DCDC1: variants seen among roughly 807,000 people sequenced by gnomAD.
The protein encoded by DCDC1 is doublecortin domain containing 1.
A neutral mutation model predicts 178.3 loss-of-function variants in DCDC1; 200 were observed. The ratio of observed to expected loss-of-function variants is 1.12; its 90% CI spans 1.00 to 1.26. DCDC1 has a LOEUF of 1.26. Ranked by LOEUF, DCDC1 falls within the 50% of genes most tolerant of loss-of-function variation. The probability of loss-of-function intolerance (pLI) is 0.00; values close to 1 mark genes in which losing one functional copy is unlikely to be tolerated. For missense variants in DCDC1, 1,983 were observed against 1,749.2 expected, an observed-to-expected ratio of 1.13 and a Z score of -2.38; for synonymous variants, 690 against 604.8, an observed-to-expected ratio of 1.14 and a Z score of -2.07.
At chr11:31,014,541 T>G (rs1952366390) in intron 20 of DCDC1, among the ~76,000 whole-genome samples, 1 of 152,188 alleles carries the variant, frequency 6.6e-6, no homozygotes, top group Non-Finnish European at 1.5e-5. Context: ...AGAAACTATG[T>G]CAGATCATAG....
chr11:31,219,235 G>T (rs1425760461), intron 9 of DCDC1, among the ~76,000 whole-genome samples: 1 of 152,030 alleles, frequency 6.6e-6, no homozygotes, highest in African/African-American at 2.4e-5. Flanking sequence ...CTGCAAAATA[G>T]TACATGACCT....
At chr11:30,905,200 A>G (rs1249568808) in intron 30 of DCDC1, 36 bp from the exon 31 acceptor site, 5 of 1,543,354 alleles carry the variant, frequency 3.2e-6, no homozygotes, top group East Asian at 2.4e-5. Flanking sequence ...CATTTACTCA[A>G]ACTTTCTTGT....
chr11:30,901,272 T>C (rs1015771719), intron 32 of DCDC1, among the ~76,000 whole-genome samples: 3 of 152,190 alleles, frequency 2.0e-5, no homozygotes, highest in Non-Finnish European at 4.4e-5. Flanking sequence ...GAAGTTACTA[T>C]ATACTGGGTA....
At chr11:31,359,898 C>T (rs1431543772) in intron 1 of DCDC1, among the ~76,000 whole-genome samples, 1 of 152,184 alleles carries the variant, frequency 6.6e-6, no homozygotes, top group East Asian at 1.9e-4. Context: ...CTGAACTCAA[C>T]TGACTTGGGT....
intron 9 of DCDC1, among the ~76,000 whole-genome samples, chr11:31,185,429 A>G (rs1969361272): frequency 6.6e-6 from 1 of 151,974 alleles, no homozygotes; most frequent in South Asian, 2.1e-4. Flanking sequence ...ATAAATAAAT[A>G]AAATAAAAAT....
At chr11:31,229,636 A>G (rs2136759640) in intron 9 of DCDC1, among the ~76,000 whole-genome samples, 1 of 152,274 alleles carries the variant, frequency 6.6e-6, no homozygotes, top group South Asian at 2.1e-4. Context: ...AAAGGTAGCA[A>G]AGTTGTAAGC....
intron 20 of DCDC1, among the ~76,000 whole-genome samples, chr11:31,023,024 A>G (rs1952988426): frequency 6.6e-6 from 1 of 152,180 alleles, no homozygotes; most frequent in East Asian, 1.9e-4. Flanking sequence ...ATCCAAAAAT[A>G]TCATTAGCTC....
At chr11:31,262,730 G>A in intron 8 of DCDC1, 1 of 221,922 alleles carries the variant, frequency 4.5e-6, no homozygotes, top group East Asian at 9.1e-5. Flanking sequence ...CAACACAAAA[G>A]TTTAGGGATC....
At chr11:31,294,802 G>GAA (rs1565566840) in intron 6 of DCDC1, among the ~76,000 whole-genome samples, 1 of 9,334 alleles carries the variant, frequency 1.1e-4, no homozygotes, top group Non-Finnish European at 2.5e-4. Flanking sequence ...TAAAGAAAAA[G>GAA]AAAGAAAGAA....
At chr11:31,021,327 CA>C (rs1312231196) in intron 20 of DCDC1, among the ~76,000 whole-genome samples, 70 of 152,166 alleles carry the variant, frequency 4.6e-4, no homozygotes, top group Non-Finnish European at 9.1e-4. Flanking sequence ...GAAACAACCT[CA>C]ACGTTCACCA....
intron 20 of DCDC1, among the ~76,000 whole-genome samples, chr11:31,017,887 C>T (rs1370247625): frequency 6.6e-6 from 1 of 152,132 alleles, no homozygotes; most frequent in Non-Finnish European, 1.5e-5. Flanking sequence ...GCCACCATGC[C>T]CGGCCTCACT....
rs534447211 is a variant in DCDC1, at chr11:30,903,914, C to A, written c.4309-231G>T. The A allele has an allele frequency of 1.2e-5, 4 of 339,966 alleles. No homozygotes were observed. In the East Asian group the frequency reaches 1.3e-4, roughly 11 times the overall value. The allele number at this position is 339,966 out of a possible 1,614,324, so 21.1% of individuals were successfully genotyped here. A position where few individuals can be genotyped will look rare whatever the true frequency, so the allele number is the denominator to read the frequency against. On this transcript the variant is annotated intron_variant, in intron 31 of 38. Transcript: ENST00000684477. ...TCCAGCTGTAAATTTCCTATCTCCACAAATTTAACATGGCAGCTGACATAT... is the reference window on the plus strand; with the variant it reads ...TCCAGCTGTAAATTTCCTATCTCCAAAAATTTAACATGGCAGCTGACATAT...
chr11:31,000,864 GAAAAAA>G (rs1185040145), intron 20 of DCDC1, among the ~76,000 whole-genome samples: 1 of 151,450 alleles, frequency 6.6e-6, no homozygotes, highest in African/African-American at 2.4e-5. Flanking sequence ...GTTAGAAAAA[GAAAAAA>G]AAGTCCCATA....
intron 2 of DCDC1, among the ~76,000 whole-genome samples, chr11:31,329,424 AG>A (rs1241274362): frequency 1.3e-5 from 2 of 152,094 alleles, no homozygotes; most frequent in Non-Finnish European, 2.9e-5. Flanking sequence ...TTTAAGTTCC[AG>A]GGTACATACA....
chr11:31,236,636 C>G (rs1223734245), intron 9 of DCDC1, among the ~76,000 whole-genome samples: 1 of 151,674 alleles, frequency 6.6e-6, no homozygotes, highest in Non-Finnish European at 1.5e-5. Context: ...TAGAATGCAG[C>G]TTGGTTTCAG....
Position 30,878,527 on chromosome 11 carries a change from T to A in DCDC1, c.*40+17A>T. On this transcript the variant is annotated intron_variant, in intron 38 of 38. Transcript: ENST00000684477. ...CATAATGTCATAACAAACATGAGTA[T>A]GTGCACATAGCTATACCAGAAAAAT... The A allele has an allele frequency of 6.6e-7, 1 of 1,504,392 alleles. No homozygotes were observed. The highest frequency in any genetic ancestry group is 8.9e-7 in the Non-Finnish European group (1 of 1,125,298). The allele number at this position is 1,504,392 out of a possible 1,614,324, so 93.2% of individuals were successfully genotyped here.
Position 31,157,222 on chromosome 11 carries a change from T to TA in DCDC1, c.1222-19439dup, listed in dbSNP as rs956342649. ...AGCAAGATTCCCTCTCCACAAAACATAAAAAAAAAAATTAAAAAATGAGCT... is the reference window on the plus strand; with the variant it reads ...AGCAAGATTCCCTCTCCACAAAACATAAAAAAAAAAAATTAAAAAATGAGCT... On this transcript the variant is annotated intron_variant, in intron 9 of 38. Transcript: ENST00000684477. 3.0e-3 allele frequency among the ~76,000 whole-genome samples: 421 copies of TA among 140,042 alleles called. 2 individuals carry two copies. Among genetic ancestry groups the TA allele is most frequent in the African/African-American group, 8.8e-3 (338 of 38,214 alleles). The allele number at this position is 140,042 out of a possible 152,430, so 91.9% of individuals were successfully genotyped here.
intron 1 of DCDC1, among the ~76,000 whole-genome samples, chr11:31,353,821 G>T (rs901739165): frequency 6.6e-6 from 1 of 152,078 alleles, no homozygotes; most frequent in Non-Finnish European, 1.5e-5. Context: ...TTGATTACTG[G>T]ATAATAACAA....
At chr11:31,271,882 G>A (rs932530742) in intron 7 of DCDC1, among the ~76,000 whole-genome samples, 3 of 152,134 alleles carry the variant, frequency 2.0e-5, no homozygotes, top group Admixed American at 2.0e-4. Flanking sequence ...CAGACCTCAG[G>A]CCAGGCATGG....
Sources: gnomAD v4.1 joint callset for allele counts (sites outside exome capture counted in the v4.1 genomes callset) on GRCh38, gnomAD v4.1.1 for gene constraint, MANE v1.5 for transcripts, NCBI Gene and HGNC (gene_info 2026-07-23, HGNC 2026-07-21) for gene names.